Variants in STARD9 observed in about 807,000 individuals in gnomAD.
The protein encoded by STARD9 is stAR-related lipid transfer protein 9.
STARD9 carries 346 observed loss-of-function variants against 399.8 expected under a neutral mutation model. The observed-to-expected ratio is 0.87, with a 90% CI of 0.79 to 0.95. The LOEUF (loss-of-function observed/expected upper bound fraction) is 0.95. Among genes scored for constraint, STARD9 ranks in the 40% least tolerant of loss-of-function variants. The pLI is 0.00. For synonymous variants in STARD9, 2,203 were observed against 2,143.5 expected (o/e 1.03, Z -0.77); for missense variants, 5,832 against 5,667.5 (o/e 1.03, Z -0.93).
rs146827507 is a variant in STARD9, at chr15:42,609,727, C to G, written c.234+24090C>G. Among the ~76,000 whole-genome samples the G allele has an allele frequency of 5.7e-3, 869 of 152,128 alleles. 11 individuals are homozygous for G. The highest frequency in any genetic ancestry group is 0.02 in the African/African-American group (823 of 41,502). On this transcript the variant is annotated intron_variant, in intron 3 of 32. Transcript: ENST00000290607. ...TGCTGGGATTACAGGTGTGAGCCACCGTGCCCAGCCCTGAAATTTTAATTT... is the reference window on the plus strand; with the variant it reads ...TGCTGGGATTACAGGTGTGAGCCACGGTGCCCAGCCCTGAAATTTTAATTT...
At chr15:42,594,229 A>G (rs2058461553) in intron 3 of STARD9, among the ~76,000 whole-genome samples, 1 of 152,230 alleles carries the variant, frequency 6.6e-6, no homozygotes, top group East Asian at 1.9e-4. Context: ...AAATGATTAC[A>G]GAGCTGGACT....
intron 2 of STARD9, 66 bp from the exon 3 acceptor site, chr15:42,585,454 TC>T: frequency 9.7e-7 from 1 of 1,031,394 alleles, no homozygotes. Flanking sequence ...TAGAGGGTGA[TC>T]AAGTGCCACT....
In STARD9 at chr15:42,665,883, A is replaced by G. The variant is rs1256605450; in HGVS notation, c.1317+35A>G. 7 of 1,515,112 alleles carry G rather than the reference A, an allele frequency of 4.6e-6. No individual in the cohort carries two copies. The East Asian group carries it at 1.5e-4, about 32-fold the overall frequency. 93.9% of individuals were successfully genotyped at this position (1,515,112 alleles called of 1,614,324 possible). The stretch of plus-strand genomic sequence containing the variant: ...TTGGGTGGACTCAGTTGTTCTTTAC[A>G]TCACCTGGGAGCTCCTCCATTATTC... On this transcript the variant is annotated intron_variant, in intron 15 of 32. Transcript: ENST00000290607.
chr15:42,595,303 T>G (rs1486161559), intron 3 of STARD9, among the ~76,000 whole-genome samples: 1 of 152,140 alleles, frequency 6.6e-6, no homozygotes, highest in African/African-American at 2.4e-5. Context: ...CAGGCTCAGA[T>G]TTGTTGCATT....
intron 3 of STARD9, among the ~76,000 whole-genome samples, chr15:42,596,918 T>C (rs1036266585): frequency 2.6e-5 from 4 of 152,242 alleles, no homozygotes; most frequent in Admixed American, 2.6e-4. Context: ...ACTCATCTTA[T>C]TCTCTAAACG....
intron 7 of STARD9, among the ~76,000 whole-genome samples, chr15:42,646,130 T>C (rs1190826776): frequency 2.0e-5 from 3 of 152,100 alleles, no homozygotes. Flanking sequence ...CACTGCACTC[T>C]GGCCTGGTGA....
In STARD9 at chr15:42,685,033, C is replaced by G. The variant is rs573730202; in HGVS notation, c.3455C>G (p.Ala1152Gly). 1 of 1,537,198 alleles carries G rather than the reference C, an allele frequency of 6.5e-7. No individual in the cohort carries two copies. The highest frequency in any genetic ancestry group is 1.2e-5 in the South Asian group (1 of 84,056). Reference sequence around the variant, plus strand: ...AGCCAACTATCTGAGGACTCACTGGCTGAGAAGAGGTACCAAAGCCCCAAA... The same window carrying G: ...AGCCAACTATCTGAGGACTCACTGGGTGAGAAGAGGTACCAAAGCCCCAAA... ...DDSQLSEDSL[A>G]EKRYQSPKNR... Residue 1152 changes from alanine (A) to glycine (G), a missense_variant, in exon 23 of 33, where the codon GCT (alanine) becomes GGT (glycine). This residue lies in a region of STARD9 where 5,828 missense variants were observed against 5,651.1 expected (regional missense o/e 1.03). Transcript: ENST00000290607.
intron 8 of STARD9, among the ~76,000 whole-genome samples, chr15:42,651,401 C>T (rs543844177): frequency 6.6e-6 from 1 of 152,260 alleles, no homozygotes; most frequent in African/African-American, 2.4e-5. Flanking sequence ...CTGCATTGTC[C>T]TCTCCTCAGG....
At chr15:42,656,777 CACAAAGGCATAAGAATGAT>C (rs1477940384) in intron 9 of STARD9, among the ~76,000 whole-genome samples, 4 of 151,974 alleles carry the variant, frequency 2.6e-5, no homozygotes, top group Non-Finnish European at 4.4e-5. Context: ...ACTATGAGGA[CACAAAGGCATAAGAATGAT>C]ACAAAGGCAT....
At chr15:42,598,846 C>A (rs997312347) in intron 3 of STARD9, among the ~76,000 whole-genome samples, 1 of 152,160 alleles carries the variant, frequency 6.6e-6, no homozygotes, top group African/African-American at 2.4e-5. Context: ...CTCATTCTTT[C>A]TCCACTGAAG....
chr15:42,667,687 C>G (rs1036261743), intron 15 of STARD9, among the ~76,000 whole-genome samples: 1 of 151,836 alleles, frequency 6.6e-6, no homozygotes, highest in Non-Finnish European at 1.5e-5. Context: ...CCATGTTGGC[C>G]AGGCTGGTCT....
intron 7 of STARD9, among the ~76,000 whole-genome samples, chr15:42,648,830 C>T (rs1008360274): frequency 6.6e-6 from 1 of 151,972 alleles, no homozygotes; most frequent in Admixed American, 6.6e-5. Flanking sequence ...TCTTTTGGGA[C>T]TCTAATTACA....
chr15:42,699,153 A>G (rs907510213), intron 26 of STARD9, among the ~76,000 whole-genome samples: 3 of 152,128 alleles, frequency 2.0e-5, no homozygotes, highest in African/African-American at 7.2e-5. Flanking sequence ...ATCACTTTAA[A>G]CATTTATCAT....
In STARD9 at chr15:42,580,445, A is replaced by G. The variant is rs1199114451; in HGVS notation, c.48-2901A>G. ...ACTTCCCCATTTCTTCCCAAGCACA[A>G]CAACAAGAAGCCAGGCAGTTGTAGG... On this transcript the variant is annotated intron_variant, in intron 1 of 32. Transcript: ENST00000290607. Among the ~76,000 whole-genome samples the G allele has an allele frequency of 2.0e-5, 3 of 152,244 alleles. No individual in the cohort carries two copies. In the East Asian group the frequency reaches 5.8e-4, roughly 29 times the overall value.
At chr15:42,695,655 G>GA in intron 25 of STARD9, 88 bp from the exon 26 acceptor site, 1 of 1,427,224 alleles carries the variant, frequency 7.0e-7, no homozygotes, top group Non-Finnish European at 9.4e-7. Context: ...GGTGAGCAGG[G>GA]AAGGGGTGGC....
Position 42,719,516 on chromosome 15 carries a change from C to T in STARD9, c.14045C>T (p.Ser4682Phe). The change falls in exon 33 of 33, where the codon TCT (serine) becomes TTT (phenylalanine). Residue 4682 changes from serine to phenylalanine, a missense_variant. Ser to Phe is a radical substitution (Grantham distance 155). This residue lies in a region of STARD9 where 5,828 missense variants were observed against 5,651.1 expected (regional missense o/e 1.03). Transcript: ENST00000290607. ...APGFPPQLLS[S>F]FIKRQPLVIA... ...GGCTTCCCACCTCAGCTCCTGAGCT[C>T]TTTCATCAAACGGCAGCCACTGGTT... 1 of 1,537,238 alleles carries T rather than the reference C, an allele frequency of 6.5e-7. No homozygotes were observed. Among genetic ancestry groups the T allele is most frequent in the Non-Finnish European group, 8.7e-7 (1 of 1,146,892 alleles).
intron 1 of STARD9, among the ~76,000 whole-genome samples, chr15:42,576,724 A>G (rs1399614190): frequency 6.6e-6 from 1 of 152,244 alleles, no homozygotes; most frequent in South Asian, 2.1e-4. Context: ...AGAAGGATCA[A>G]GAAAGGTATC....
chr15:42,715,575 C>T (rs549871526), intron 26 of STARD9, among the ~76,000 whole-genome samples: 9 of 150,278 alleles, frequency 6.0e-5, no homozygotes, highest in Admixed American at 2.6e-4. Context: ...GGCCGGAGTG[C>T]AGTGGCACAA....
intron 16 of STARD9, chr15:42,672,514 A>G (rs2060222429): frequency 6.6e-6 from 1 of 152,240 alleles, no homozygotes; most frequent in Non-Finnish European, 1.5e-5. Flanking sequence ...ACGCACATGA[A>G]AAGTTTCGAC....
Sources: allele counts gnomAD v4.1 joint callset (sites outside exome capture counted in the v4.1 genomes callset), GRCh38; gene constraint gnomAD v4.1.1; regional missense constraint gnomAD v4.1.1; transcripts MANE v1.5; gene names NCBI Gene and HGNC (gene_info 2026-07-23, HGNC 2026-07-21).